THSD7B: variants seen among roughly 807,000 people sequenced by gnomAD.
The protein encoded by THSD7B is thrombospondin type 1 domain containing 7B, also known as thrombospondin type-1 domain-containing protein 7B.
Under a neutral mutation model 213.6 loss-of-function variants are expected in THSD7B, and 138 were observed. The observed-to-expected ratio is 0.65, with a 90% CI of 0.56 to 0.74. THSD7B has a LOEUF of 0.74. Ranked by LOEUF, THSD7B falls within the 30% of genes least tolerant of loss-of-function variation. The pLI, the probability that THSD7B is intolerant of heterozygous loss-of-function variation, is 0.00. For synonymous variants in THSD7B, 742 were observed against 687.0 expected (o/e 1.08, Z -1.25); for missense variants, 1,931 against 1,991.5 (o/e 0.97, Z 0.58).
At chr2:136,998,984 T>G (rs1573758056) in intron 2 of THSD7B, among the ~76,000 whole-genome samples, 1 of 150,872 alleles carries the variant, frequency 6.6e-6, no homozygotes, top group Non-Finnish European at 1.5e-5. Context: ...TATCCAAGTC[T>G]TAAGCATGAG....
chr2:136,803,599 C>T (rs1368871284), intron 1 of THSD7B, among the ~76,000 whole-genome samples: 1 of 152,082 alleles, frequency 6.6e-6, no homozygotes, highest in East Asian at 1.9e-4. Context: ...AATCAAGGTT[C>T]TTCAGAAAAA....
intron 10 of THSD7B, among the ~76,000 whole-genome samples, chr2:137,258,854 G>C (rs1246523058): frequency 6.6e-6 from 1 of 151,272 alleles, no homozygotes; most frequent in Non-Finnish European, 1.5e-5. Context: ...ACCCCTGACA[G>C]GCCCTGAAGC....
chr2:137,202,763 TG>T (rs1680904253), intron 7 of THSD7B, among the ~76,000 whole-genome samples: 1 of 152,086 alleles, frequency 6.6e-6, no homozygotes, highest in African/African-American at 2.4e-5. Flanking sequence ...AGAGAGGCTG[TG>T]GTGGTAAGTC....
At chr2:136,853,088 T>G (rs778206) in intron 1 of THSD7B, among the ~76,000 whole-genome samples, 119,962 of 151,878 alleles carry the variant, frequency 0.79, 47,653 homozygotes, top group Middle Eastern at 0.94. Flanking sequence ...GTGCGTGTGT[T>G]TGTGAATACT....
intron 5 of THSD7B, among the ~76,000 whole-genome samples, chr2:137,146,233 TAATA>T (rs572693785): frequency 6.6e-5 from 10 of 152,094 alleles, no homozygotes; most frequent in Non-Finnish European, 1.5e-5. Flanking sequence ...AATAAAATAG[TAATA>T]AAAATATAAG....
chr2:137,640,580 T>A (rs1284152093), intron 20 of THSD7B, among the ~76,000 whole-genome samples: 3 of 152,222 alleles, frequency 2.0e-5, no homozygotes, highest in Non-Finnish European at 4.4e-5. Context: ...ACTTTGTTTG[T>A]TTGTTTTTTT....
At chr2:137,085,385 G>A (rs903029247) in intron 3 of THSD7B, among the ~76,000 whole-genome samples, 2 of 151,812 alleles carry the variant, frequency 1.3e-5, no homozygotes, top group South Asian at 4.2e-4. Flanking sequence ...CAGGAACTAA[G>A]AATAAAATGA....
intron 15 of THSD7B, among the ~76,000 whole-genome samples, chr2:137,468,518 C>G (rs1335692122): frequency 6.6e-6 from 1 of 150,866 alleles, no homozygotes; most frequent in East Asian, 2.0e-4. Flanking sequence ...TATGAGTCTC[C>G]AAGGGCTGAG....
At chr2:137,620,258 T>G (rs1163662089) in intron 19 of THSD7B, among the ~76,000 whole-genome samples, 1 of 152,224 alleles carries the variant, frequency 6.6e-6, no homozygotes, top group Non-Finnish European at 1.5e-5. Flanking sequence ...ACTTTTGGCC[T>G]ATTCAGAAGC....
intron 2 of THSD7B, among the ~76,000 whole-genome samples, chr2:136,888,953 GTGTGTGTGTGTGTGTGCT>G (rs1683769063): frequency 6.6e-6 from 1 of 151,806 alleles, no homozygotes; most frequent in Non-Finnish European, 1.5e-5. Flanking sequence ...GGGTGTGTGT[GTGTGTGTGTGTGTGTGCT>G]TGTGTGTGTG....
intron 7 of THSD7B, among the ~76,000 whole-genome samples, chr2:137,221,911 A>G (rs996101758): frequency 6.6e-6 from 1 of 152,240 alleles, no homozygotes; most frequent in Admixed American, 6.5e-5. Context: ...GGTATACCTC[A>G]TGTTGAAGCT....
rs1260126081 is a variant in THSD7B at position 137,049,770 on chromosome 2, C to T, written c.140-6650C>T. On this transcript the variant is annotated intron_variant, in intron 2 of 27. Coordinates refer to ENST00000409968, the MANE Select transcript of THSD7B (RefSeq NM_001316349.2). Reference sequence around the variant, plus strand: ...CTATCTGCTCCAGGTGACAGACAGTCACAGAGGCCAAAGACCAGAATTAAC... The same window carrying T: ...CTATCTGCTCCAGGTGACAGACAGTTACAGAGGCCAAAGACCAGAATTAAC... 2.0e-5 allele frequency among the ~76,000 whole-genome samples: 3 copies of T among 152,178 alleles called. No homozygotes were observed. The East Asian group carries it at 5.8e-4, about 29-fold the overall frequency.
At chr2:137,156,497 A>G (rs1402569225) in intron 5 of THSD7B, among the ~76,000 whole-genome samples, 1 of 152,176 alleles carries the variant, frequency 6.6e-6, no homozygotes, top group Non-Finnish European at 1.5e-5. Context: ...TTTTCCAGCA[A>G]ACCATGTCCT....
At chr2:137,280,263 C>T (rs1682976027) in intron 12 of THSD7B, among the ~76,000 whole-genome samples, 1 of 152,102 alleles carries the variant, frequency 6.6e-6, no homozygotes, top group South Asian at 2.1e-4. Flanking sequence ...TGAAATTTGT[C>T]TTGTTTACCT....
rs529772683 is a variant in THSD7B at position 137,408,560 on chromosome 2, A to G, written c.2695+2753A>G. Among the ~76,000 whole-genome samples the G allele has an allele frequency of 1.6e-4, 24 of 152,328 alleles. No individual in the cohort carries two copies. The South Asian group carries it at 5.0e-3, about 32-fold the overall frequency. Reference sequence around the variant, plus strand: ...TAGTTGCTGTTGTATTGGGAGCGGTATTCAAACAAATCCTATTGTTGTAAC... The same window carrying G: ...TAGTTGCTGTTGTATTGGGAGCGGTGTTCAAACAAATCCTATTGTTGTAAC... On this transcript the variant is annotated intron_variant, in intron 13 of 27. Transcript: ENST00000409968.
chr2:137,544,256 G>A (rs974706610), intron 15 of THSD7B, among the ~76,000 whole-genome samples: 1 of 151,642 alleles, frequency 6.6e-6, no homozygotes, highest in African/African-American at 2.4e-5. Context: ...TCACACAAAT[G>A]AGTACTATTC....
intron 1 of THSD7B, among the ~76,000 whole-genome samples, chr2:136,841,186 A>G (rs147558347): frequency 4.8e-4 from 73 of 152,314 alleles, no homozygotes; most frequent in Middle Eastern, 3.4e-3. Context: ...GGGAAATATC[A>G]GAACTAAGAC....
At chr2:136,869,959 C>G (rs1378358434) in intron 1 of THSD7B, among the ~76,000 whole-genome samples, 1 of 151,774 alleles carries the variant, frequency 6.6e-6, no homozygotes, top group Non-Finnish European at 1.5e-5. Flanking sequence ...GTAATCCAAG[C>G]TACTCAGGAG....
intron 2 of THSD7B, among the ~76,000 whole-genome samples, chr2:136,910,954 A>G (rs1684248488): frequency 6.6e-6 from 1 of 152,120 alleles, no homozygotes; most frequent in South Asian, 2.1e-4. Flanking sequence ...TTGGGGTAAT[A>G]TTTACAATTC....
Sources: allele counts gnomAD v4.1 joint callset (sites outside exome capture counted in the v4.1 genomes callset), GRCh38; gene constraint gnomAD v4.1.1; transcripts MANE v1.5; gene names NCBI Gene and HGNC (gene_info 2026-07-23, HGNC 2026-07-21).